RAB33A: variants seen among roughly 807,000 people sequenced by gnomAD.
The protein encoded by RAB33A is RAB33A, member RAS oncogene family, also known as ras-related protein Rab-33A.
In RAB33A, 6 loss-of-function variants were observed where a neutral mutation model predicts 12.0. The observed-to-expected ratio is 0.50, with a 90% CI of 0.27 to 0.99. The LOEUF is 0.99. Among genes scored for constraint, RAB33A ranks in the 50% least tolerant of loss-of-function variants. The probability of loss-of-function intolerance (pLI) is 0.11; values close to 1 mark genes in which losing one functional copy is unlikely to be tolerated. For missense variants in RAB33A, 109 were observed against 192.0 expected (o/e 0.57, Z 2.55); for synonymous variants, 70 against 82.4 (o/e 0.85, Z 0.81).
the RAB33A span, among the ~76,000 whole-genome samples, chrX:130,165,288 G>T: frequency 1.1e-4 from 12 of 111,169 alleles, no homozygotes; most frequent in East Asian, 3.4e-3. Flanking sequence ...ACAGCCAGTT[G>T]TTCTGGGATC....
chrX:130,162,672 T>G, the RAB33A span, among the ~76,000 whole-genome samples: 2 of 112,043 alleles, frequency 1.8e-5, no homozygotes, highest in Middle Eastern at 4.6e-3. Flanking sequence ...CCAGGATCCT[T>G]GCCCACAAGG....
chrX:130,119,226 C>G, the RAB33A span, among the ~76,000 whole-genome samples: 2 of 111,561 alleles, frequency 1.8e-5, no homozygotes, highest in Admixed American at 9.5e-5. Flanking sequence ...TCCCCCACCC[C>G]CTCCAGCCAG....
chrX:130,116,942 T>G, the RAB33A span, among the ~76,000 whole-genome samples: 21 of 112,207 alleles, frequency 1.9e-4, no homozygotes, highest in East Asian at 8.5e-4. Flanking sequence ...GGCCGGGTGC[T>G]GTGGCTCACG....
chrX:130,127,167 C>A, the RAB33A span, among the ~76,000 whole-genome samples: 1 of 111,176 alleles, frequency 9.0e-6, no homozygotes, highest in Non-Finnish European at 1.9e-5. Flanking sequence ...AATCACTGTA[C>A]ATTTTTAAAC....
At chrX:130,131,558 C>T in the RAB33A span, 2 of 1,057,148 alleles carry the variant, frequency 1.9e-6, no homozygotes, top group East Asian at 3.0e-5. Context: ...TAAAGCACAA[C>T]ATGAAGAGAG....
At chrX:130,131,140 G>A in the RAB33A span, among the ~76,000 whole-genome samples, 1 of 111,005 alleles carries the variant, frequency 9.0e-6, no homozygotes, top group Non-Finnish European at 1.9e-5. Flanking sequence ...TCCAAGAGAG[G>A]TGCCTCCCAT....
chrX:130,179,869 C>G (rs2031703469), intron 1 of RAB33A, among the ~76,000 whole-genome samples: 1 of 105,264 alleles, frequency 9.5e-6, no homozygotes, highest in South Asian at 4.5e-4. Flanking sequence ...TGCTTACAGT[C>G]TTGCTGGAGA....
the RAB33A span, among the ~76,000 whole-genome samples, chrX:130,157,649 G>A: frequency 5.4e-5 from 6 of 111,947 alleles, no homozygotes; most frequent in South Asian, 7.3e-4. Flanking sequence ...CATGTGTCAC[G>A]AAATTCTTTT....
At chrX:130,138,204 G>A in the RAB33A span, among the ~76,000 whole-genome samples, 3 of 110,731 alleles carry the variant, frequency 2.7e-5, no homozygotes, top group African/African-American at 6.6e-5. Flanking sequence ...GGTGGCTCAC[G>A]CCTGTAATCC....
At chrX:130,178,869 G>T (rs2031691924) in intron 1 of RAB33A, among the ~76,000 whole-genome samples, 1 of 108,183 alleles carries the variant, frequency 9.2e-6, no homozygotes, top group East Asian at 2.9e-4. Flanking sequence ...AGCCAGGATG[G>T]TCTCGATCTC....
the RAB33A span, among the ~76,000 whole-genome samples, chrX:130,111,076 C>T: frequency 9.3e-6 from 1 of 107,178 alleles, no homozygotes; most frequent in Non-Finnish European, 2.0e-5. Context: ...CCGGCCCGCC[C>T]GCCGCGGTCG....
chrX:130,165,560 G>T, the RAB33A span: 1 of 1,193,357 alleles, frequency 8.4e-7, no homozygotes, highest in South Asian at 1.8e-5. Flanking sequence ...CCTGGGAGCC[G>T]GTTCCTCTGC....
chrX:130,183,549 G>C (rs940348780), intron 1 of RAB33A, among the ~76,000 whole-genome samples: 2 of 108,120 alleles, frequency 1.8e-5, no homozygotes. Flanking sequence ...AGCGAGACAC[G>C]GTCTCAAAAA....
the RAB33A span, among the ~76,000 whole-genome samples, chrX:130,146,096 C>G: frequency 3.8e-4 from 42 of 111,579 alleles, no homozygotes; most frequent in South Asian, 3.7e-4. Flanking sequence ...TGAGAAGACT[C>G]TGCCTCAAGC....
chrX:130,132,871 C>A, the RAB33A span, among the ~76,000 whole-genome samples: 2 of 109,938 alleles, frequency 1.8e-5, no homozygotes, highest in Admixed American at 9.7e-5. Flanking sequence ...CTCAGCCTAC[C>A]GAGTAGCTGG....
the RAB33A span, among the ~76,000 whole-genome samples, chrX:130,163,333 G>GT: frequency 1.2e-4 from 13 of 108,962 alleles, no homozygotes; most frequent in African/African-American, 4.3e-4. Flanking sequence ...AAGTTTAAAG[G>GT]TAAGGTGGAG....
chrX:130,180,610 A>C (rs1004171503), intron 1 of RAB33A, among the ~76,000 whole-genome samples: 6 of 107,664 alleles, frequency 5.6e-5, no homozygotes, highest in Non-Finnish European at 9.6e-5. Flanking sequence ...ACCTGCCACC[A>C]CACCCAGCTA....
chrX:130,120,860 G>C, the RAB33A span, among the ~76,000 whole-genome samples: 1 of 113,284 alleles, frequency 8.8e-6, no homozygotes, highest in Admixed American at 9.2e-5. Flanking sequence ...GCGCCCGGGC[G>C]CCTCTGCAGC....
chrX:130,167,422 G>A (rs2031550573), upstream of RAB33A, among the ~76,000 whole-genome samples: 1 of 112,886 alleles, frequency 8.9e-6, no homozygotes, highest in Non-Finnish European at 1.9e-5. Flanking sequence ...CATTTTCGGG[G>A]GACAATGATA....
Sources: gnomAD v4.1 joint callset for allele counts (sites outside exome capture counted in the v4.1 genomes callset) on GRCh38, gnomAD v4.1.1 for gene constraint, MANE v1.5 for transcripts, NCBI Gene and HGNC (gene_info 2026-07-23, HGNC 2026-07-21) for gene names.